The following SP4 variants were observed in gnomAD, a reference collection of about 807,000 sequenced individuals.
SP4 encodes Sp4 transcription factor, also known as transcription factor Sp4.
Under a neutral mutation model 72.8 loss-of-function variants are expected in SP4, and 19 were observed. The observed-to-expected ratio is 0.26, with a 90% CI of 0.18 to 0.38. The LOEUF is 0.38. SP4 is among the 10% of genes least tolerant of loss of function. The pLI is 1.00. For synonymous variants in SP4, 395 were observed against 333.1 expected, an observed-to-expected ratio of 1.19 and a Z score of -2.02; for missense variants, 1,008 against 926.3, an observed-to-expected ratio of 1.09 and a Z score of -1.14.
intron 4 of SP4, among the ~76,000 whole-genome samples, chr7:21,478,444 C>A (rs1784580298): frequency 1.3e-5 from 2 of 152,152 alleles, no homozygotes; most frequent in African/African-American, 4.8e-5. Context: ...GAGGAACTTA[C>A]CGACTGTTTT....
Position 21,428,754 on chromosome 7 carries a change from G to A in SP4, c.85G>A (p.Glu29Lys). The change falls in exon 2 of 6, where the codon GAG becomes AAG. Residue 29 changes from glutamate to lysine, a missense_variant. Transcript: ENST00000222584. Reference sequence around the variant, plus strand: ...AGAAGGAGGGAAAACCTCTGAGCCAGAGAATAACAATAAAAAACCCAAAAC... The same window carrying A: ...AGAAGGAGGGAAAACCTCTGAGCCAAAGAATAACAATAAAAAACCCAAAAC... ...ATEGGKTSEPENNNKKPKTSG... is the reference protein window; with the variant it reads ...ATEGGKTSEPKNNNKKPKTSG... 1 of 1,552,514 alleles carries A rather than the reference G, an allele frequency of 6.4e-7. No homozygotes were observed. The highest frequency in any genetic ancestry group is 8.7e-7 in the Non-Finnish European group (1 of 1,147,618).
chr7:21,481,365 T>C (rs960057782), intron 4 of SP4, among the ~76,000 whole-genome samples: 1 of 152,206 alleles, frequency 6.6e-6, no homozygotes, highest in Admixed American at 6.5e-5. Flanking sequence ...GGGAGAGTCT[T>C]GGTTCAAATA....
intron 3 of SP4, among the ~76,000 whole-genome samples, chr7:21,449,569 A>G (rs1004399577): frequency 6.6e-6 from 1 of 152,250 alleles, no homozygotes; most frequent in Admixed American, 6.5e-5. Flanking sequence ...ATGTTTAAGT[A>G]TACGTGTGTG....
chr7:21,461,182 C>T (rs552971706), intron 3 of SP4, among the ~76,000 whole-genome samples: 21 of 152,308 alleles, frequency 1.4e-4, no homozygotes, highest in South Asian at 2.1e-4. Flanking sequence ...CTGCCAGTCC[C>T]GTGCCATGCG....
At chr7:21,483,800 T>C (rs566806412) in intron 5 of SP4, among the ~76,000 whole-genome samples, 25 of 151,916 alleles carry the variant, frequency 1.6e-4, no homozygotes, top group Admixed American at 4.6e-4. Flanking sequence ...TATTTTTTTT[T>C]CTTTTTTTGC....
At position 21,505,410 on chromosome 7, in the gene SP4, C is replaced by G. The variant is rs148229698; in HGVS notation, c.2108-5612C>G. On this transcript the variant is annotated intron_variant, in intron 5 of 5. Coordinates refer to ENST00000222584, the MANE Select transcript of SP4 (RefSeq NM_003112.5). ...CTCTCCCCAGAAATTAAAAGATTAT[C>G]TATGTATTGTAACAACTGGGTTCCC... Among the ~76,000 whole-genome samples, 314 of 152,294 alleles carry G rather than the reference C, an allele frequency of 2.1e-3. 2 individuals are homozygous for G. The highest frequency in any genetic ancestry group is 7.3e-3 in the African/African-American group (302 of 41,556).
chr7:21,491,997 A>G (rs1478685548), intron 5 of SP4, among the ~76,000 whole-genome samples: 1 of 152,234 alleles, frequency 6.6e-6, no homozygotes, highest in Non-Finnish European at 1.5e-5. Context: ...TGCCAAAAGA[A>G]ATGCTAAATA....
intron 5 of SP4, among the ~76,000 whole-genome samples, chr7:21,505,947 C>A (rs1781986252): frequency 1.3e-5 from 2 of 152,034 alleles, no homozygotes; most frequent in Admixed American, 6.5e-5. Flanking sequence ...CCCTCTGTTG[C>A]CTTCCCTAAC....
chr7:21,475,992 C>T (rs891901485), intron 3 of SP4, among the ~76,000 whole-genome samples: 20 of 152,034 alleles, frequency 1.3e-4, no homozygotes, highest in Admixed American at 3.3e-4. Flanking sequence ...CATTGTAGGC[C>T]GGGCACGGTG....
At chr7:21,461,504 C>G (rs866416824) in intron 3 of SP4, among the ~76,000 whole-genome samples, 3 of 152,146 alleles carry the variant, frequency 2.0e-5, no homozygotes, top group South Asian at 4.1e-4. Flanking sequence ...CTGCCGGGGG[C>G]CAGCAGGGCC....
intron 3 of SP4, among the ~76,000 whole-genome samples, chr7:21,476,557 A>T (rs1583425345): frequency 6.6e-6 from 1 of 152,202 alleles, no homozygotes; most frequent in East Asian, 1.9e-4. Flanking sequence ...ACACTAAAAA[A>T]AGTCGAATCA....
At chr7:21,449,806 A>C (rs968705841) in intron 3 of SP4, among the ~76,000 whole-genome samples, 1 of 152,170 alleles carries the variant, frequency 6.6e-6, no homozygotes, top group African/African-American at 2.4e-5. Context: ...CTTCAGGCTT[A>C]AGTAGACATT....
chr7:21,491,790 G>A (rs1784985958), intron 5 of SP4, among the ~76,000 whole-genome samples: 1 of 152,130 alleles, frequency 6.6e-6, no homozygotes, highest in South Asian at 2.1e-4. Flanking sequence ...CCTCAAAACA[G>A]TATAGTAACA....
At chr7:21,494,176 A>G (rs1230362918) in intron 5 of SP4, among the ~76,000 whole-genome samples, 1 of 152,202 alleles carries the variant, frequency 6.6e-6, no homozygotes, top group African/African-American at 2.4e-5. Flanking sequence ...TGCAGTTAAC[A>G]TCATTCTTAA....
At chr7:21,451,314 T>G (rs944816029) in intron 3 of SP4, among the ~76,000 whole-genome samples, 3 of 152,202 alleles carry the variant, frequency 2.0e-5, no homozygotes, top group Non-Finnish European at 4.4e-5. Context: ...CTTTCCCTGT[T>G]GCTGGCTGTG....
intron 5 of SP4, among the ~76,000 whole-genome samples, chr7:21,508,353 C>G (rs957220508): frequency 6.6e-6 from 1 of 152,138 alleles, no homozygotes; most frequent in Non-Finnish European, 1.5e-5. Context: ...GGCAGGCACA[C>G]CCGGGGCAGT....
intron 3 of SP4, among the ~76,000 whole-genome samples, chr7:21,460,308 C>G (rs1783915465): frequency 6.6e-6 from 1 of 152,058 alleles, no homozygotes; most frequent in African/African-American, 2.4e-5. Flanking sequence ...GGTTTATGGT[C>G]TTACTGGCTC....
intron 3 of SP4, among the ~76,000 whole-genome samples, chr7:21,442,324 G>GC (rs528279825): frequency 8.7e-4 from 133 of 152,230 alleles, no homozygotes; most frequent in Admixed American, 1.2e-3. Context: ...ACAGGCGTAA[G>GC]CCACCACGCC....
chr7:21,448,153 C>T (rs1044832257), intron 3 of SP4, among the ~76,000 whole-genome samples: 4 of 152,046 alleles, frequency 2.6e-5, no homozygotes, highest in Admixed American at 2.6e-4. Context: ...ATTTTTTGAA[C>T]CACTTTAACA....
Sources: allele counts gnomAD v4.1 joint callset (sites outside exome capture counted in the v4.1 genomes callset), GRCh38; gene constraint gnomAD v4.1.1; transcripts MANE v1.5; gene names NCBI Gene and HGNC (gene_info 2026-07-23, HGNC 2026-07-21).